Variants in FAR2 observed in about 807,000 individuals in gnomAD.
FAR2 encodes the protein epididymis secretory protein Li 81.
A neutral mutation model predicts 56.0 loss-of-function variants in FAR2; 19 were observed. The observed-to-expected ratio is 0.34, with a 90% CI of 0.24 to 0.50. The LOEUF (loss-of-function observed/expected upper bound fraction) is 0.50, where lower values mean the gene tolerates loss of function less well. Among genes scored for constraint, FAR2 ranks in the 20% least tolerant of loss-of-function variants. The pLI, the probability that FAR2 is intolerant of heterozygous loss-of-function variation, is 0.98. For missense variants in FAR2, 508 were observed against 642.2 expected (o/e 0.79, Z 2.26); for synonymous variants, 219 against 218.8 (o/e 1.00, Z -0.01).
At chr12:29,203,481 G>T (rs775092771) in intron 1 of FAR2, among the ~76,000 whole-genome samples, 33 of 152,130 alleles carry the variant, frequency 2.2e-4, no homozygotes, top group Non-Finnish European at 4.4e-4. Context: ...AGTGGGAATG[G>T]TCTACATACT....
At position 29,309,373 on chromosome 12, in the gene FAR2, G is replaced by A. The variant is rs1949308135; in HGVS notation, c.768+143G>A. On this transcript the variant is annotated intron_variant, in intron 6 of 11. Coordinates refer to ENST00000536681, the MANE Select transcript of FAR2 (RefSeq NM_001271783.2). ...TGAGGCATATTATTTTAATTGTTCTGATTGTAATATACAGGCAGGATGAAA... is the reference window on the plus strand; with the variant it reads ...TGAGGCATATTATTTTAATTGTTCTAATTGTAATATACAGGCAGGATGAAA... The A allele has an allele frequency of 1.2e-5, 8 of 676,504 alleles. No individual in the cohort carries two copies. In the South Asian group the frequency reaches 1.3e-4, roughly 11 times the overall value. 41.9% of individuals were successfully genotyped at this position (676,504 alleles called of 1,614,324 possible).
intron 1 of FAR2, among the ~76,000 whole-genome samples, chr12:29,199,745 C>T (rs918342428): frequency 3.9e-5 from 6 of 151,952 alleles, no homozygotes; most frequent in African/African-American, 1.2e-4. Flanking sequence ...AATGTGGAAG[C>T]GACACACGTG....
At chr12:29,208,882 T>C (rs762583487) in intron 1 of FAR2, among the ~76,000 whole-genome samples, 7 of 152,082 alleles carry the variant, frequency 4.6e-5, no homozygotes, top group Admixed American at 4.6e-4. Flanking sequence ...AGCAAAATCA[T>C]GGGAGAATGT....
intron 1 of FAR2, among the ~76,000 whole-genome samples, chr12:29,178,197 G>T (rs1470270217): frequency 1.4e-5 from 2 of 146,888 alleles, no homozygotes. Context: ...AAAAAAAAAA[G>T]AAATTGGAGT....
Position 29,293,310 on chromosome 12 carries a change from A to C in FAR2, c.200A>C (p.Lys67Thr), listed in dbSNP as rs144969230. 6.3e-7 allele frequency: 1 copy of C among 1,576,150 alleles called. No homozygotes were observed. Among genetic ancestry groups the C allele is most frequent in the Non-Finnish European group, 8.6e-7 (1 of 1,164,358 alleles). Reference protein sequence around the residue: ...FQILDSKLFEKVKEVCPNVHE... With the variant: ...FQILDSKLFETVKEVCPNVHE... ...ATATTTATGTTTCAGCTATTTGAGA[A>C]AGTCAAAGAAGTTTGTCCAAATGTG... is the stretch of plus-strand genomic sequence containing the variant. The change falls in exon 3 of 12, where the codon AAA (lysine) becomes ACA (threonine). Residue 67 changes from lysine (K) to threonine (T), a missense_variant. Transcript: ENST00000536681.
intron 1 of FAR2, among the ~76,000 whole-genome samples, chr12:29,226,492 T>C (rs1947770508): frequency 6.6e-6 from 1 of 152,202 alleles, no homozygotes; most frequent in Non-Finnish European, 1.5e-5. Flanking sequence ...ATATGCAGAT[T>C]TGCTCTGGGG....
intron 4 of FAR2, among the ~76,000 whole-genome samples, chr12:29,306,512 G>A (rs1263598661): frequency 3.3e-5 from 5 of 152,112 alleles, no homozygotes; most frequent in African/African-American, 1.2e-4. Context: ...AAATAGTATA[G>A]TTCTGTTCTG....
chr12:29,261,713 T>C (rs970782629), intron 1 of FAR2, among the ~76,000 whole-genome samples: 1 of 152,184 alleles, frequency 6.6e-6, no homozygotes, highest in Non-Finnish European at 1.5e-5. Context: ...CCAATACATC[T>C]GGTAGCAGGC....
intron 1 of FAR2, among the ~76,000 whole-genome samples, chr12:29,182,775 G>A (rs1950003443): frequency 6.6e-6 from 1 of 152,104 alleles, no homozygotes; most frequent in Admixed American, 6.6e-5. Flanking sequence ...GTAGATGGAG[G>A]GTTTTACTGG....
At chr12:29,245,166 G>A (rs1248062172) in intron 1 of FAR2, among the ~76,000 whole-genome samples, 4 of 152,098 alleles carry the variant, frequency 2.6e-5, no homozygotes, top group Non-Finnish European at 5.9e-5. Flanking sequence ...TTTTTAGTAA[G>A]AGACGGGGTT....
At chr12:29,214,404 A>G (rs1000557005) in intron 1 of FAR2, among the ~76,000 whole-genome samples, 2 of 152,270 alleles carry the variant, frequency 1.3e-5, no homozygotes, top group Non-Finnish European at 2.9e-5. Context: ...CTGGTGAAAC[A>G]GAAGTAATGA....
Position 29,333,610 on chromosome 12 carries a change from G to A in FAR2, c.1386-22G>A, listed in dbSNP as rs749352393. On this transcript the variant is annotated intron_variant, in intron 11 of 11. Transcript: ENST00000536681. ...TGGGTATCTGGTAGTTTTAACTTTGGTTATGTCTGTCTGTTCCCTAGGCTC... is the reference window on the plus strand; with the variant it reads ...TGGGTATCTGGTAGTTTTAACTTTGATTATGTCTGTCTGTTCCCTAGGCTC... The A allele has an allele frequency of 1.9e-6, 3 of 1,602,280 alleles. No homozygotes were observed. The African/African-American group carries it at 4.0e-5, about 22-fold the overall frequency.
intron 9 of FAR2, among the ~76,000 whole-genome samples, chr12:29,320,294 C>T (rs887519804): frequency 6.6e-6 from 1 of 152,074 alleles, no homozygotes; most frequent in Non-Finnish European, 1.5e-5. Context: ...TTCTGTACAT[C>T]CAATGATATC....
intron 1 of FAR2, among the ~76,000 whole-genome samples, chr12:29,261,492 T>C (rs1221724240): frequency 1.3e-5 from 2 of 152,130 alleles, no homozygotes; most frequent in East Asian, 3.8e-4. Context: ...AGAGATCAGG[T>C]AGAAAGTTTA....
At position 29,332,763 on chromosome 12, in the gene FAR2, C is replaced by T. The variant is rs368998323; in HGVS notation, c.1385+36C>T. The T allele has an allele frequency of 5.7e-6, 9 of 1,581,178 alleles. No individual in the cohort carries two copies. The African/African-American group carries it at 1.2e-4, about 21-fold the overall frequency. ...TCAGTCAGTTAATATTTATTGAGCA[C>T]CTACTGTGCATCGACTTTATACCAG... On this transcript the variant is annotated intron_variant, in intron 11 of 11. Coordinates refer to ENST00000536681, the MANE Select transcript of FAR2 (RefSeq NM_001271783.2).
intron 1 of FAR2, among the ~76,000 whole-genome samples, chr12:29,191,466 A>C (rs1253667148): frequency 6.6e-6 from 1 of 152,270 alleles, no homozygotes; most frequent in Admixed American, 6.5e-5. Context: ...CCATTGAGAC[A>C]GTAAGGCCGG....
chr12:29,308,918 G>A (rs1044510844), intron 5 of FAR2, among the ~76,000 whole-genome samples: 1 of 151,882 alleles, frequency 6.6e-6, no homozygotes, highest in African/African-American at 2.4e-5. Context: ...TCCATAAGAG[G>A]TCATAAAACA....
At chr12:29,328,288 C>T (rs904621051) in intron 10 of FAR2, among the ~76,000 whole-genome samples, 1 of 152,156 alleles carries the variant, frequency 6.6e-6, no homozygotes, top group Admixed American at 6.5e-5. Context: ...GAAATAGGAA[C>T]ACTTTTACAC....
chr12:29,186,077 GA>G (rs1417135034), intron 1 of FAR2, among the ~76,000 whole-genome samples: 1 of 152,100 alleles, frequency 6.6e-6, no homozygotes, highest in Non-Finnish European at 1.5e-5. Context: ...AAAAACTAGT[GA>G]AATTAATTTT....
Sources: gnomAD v4.1 joint callset for allele counts (sites outside exome capture counted in the v4.1 genomes callset) on GRCh38, gnomAD v4.1.1 for gene constraint, MANE v1.5 for transcripts, NCBI Gene and HGNC (gene_info 2026-07-23, HGNC 2026-07-21) for gene names.